HNRNPA3: variants seen among roughly 807,000 people sequenced by gnomAD.
HNRNPA3 encodes heterogeneous nuclear ribonucleoprotein A3.
A neutral mutation model predicts 45.8 loss-of-function variants in HNRNPA3; 3 were observed. The observed-to-expected ratio is 0.07, with a 90% CI of 0.03 to 0.17. HNRNPA3 has a LOEUF of 0.17. HNRNPA3 is among the 10% of genes least tolerant of loss of function. The pLI, the probability that HNRNPA3 is intolerant of heterozygous loss-of-function variation, is 1.00. For synonymous variants in HNRNPA3, 170 were observed against 155.6 expected (o/e 1.09, Z -0.69); for missense variants, 183 against 480.3 (o/e 0.38, Z 5.79).
chr2:177,219,661 CT>C (rs1689102721), exon 11 of HNRNPA3: 1 of 179,356 alleles, frequency 5.6e-6, no homozygotes, highest in Non-Finnish European at 1.2e-5. Flanking sequence ...TTCCTGAGGT[CT>C]TTTATCTGTT....
In HNRNPA3 at chr2:177,215,914, T is replaced by C; in HGVS notation, c.342+18T>C. 5 of 1,595,322 alleles carry C rather than the reference T, an allele frequency of 3.1e-6. No individual in the cohort carries two copies. Among genetic ancestry groups the C allele is most frequent in the Non-Finnish European group, 4.3e-6 (5 of 1,174,170 alleles). ...CTAGAGAGGTATTTTAATAATACAT[T>C]GTGTAATATGTGAAATTGTTGTGAA... On this transcript the variant is annotated intron_variant, in intron 3 of 10. Transcript: ENST00000392524.
exon 2 of HNRNPA3, chr2:177,215,540 G>C: frequency 6.2e-7 from 1 of 1,613,752 alleles, no homozygotes; most frequent in African/African-American, 1.3e-5. Context: ...TTCTCTCAGG[G>C]CCATGATCCA....
chr2:177,213,050 G>GCCTTCA (rs1425188221), intron 1 of HNRNPA3, among the ~76,000 whole-genome samples, 179 bp downstream of exon 1: 1 of 152,184 alleles, frequency 6.6e-6, no homozygotes, highest in Non-Finnish European at 1.5e-5. Flanking sequence ...CGCCCGCCTC[G>GCCTTCA]CCTTCACCTT....
chr2:177,223,549 TG>T (rs773197736), downstream of HNRNPA3: 16 of 152,228 alleles, frequency 1.1e-4, no homozygotes, highest in Non-Finnish European at 1.6e-4. Context: ...AAAGTATATT[TG>T]TTAAGTAACT....
chr2:177,216,557 C>T, exon 5 of HNRNPA3: 1 of 1,614,038 alleles, frequency 6.2e-7, no homozygotes, highest in Non-Finnish European at 8.5e-7. Flanking sequence ...AAGGCCCTTT[C>T]TAAACAAGAG....
intron 8 of HNRNPA3, 23 bp from the exon 9 acceptor site, chr2:177,219,014 A>G (rs1689079143): frequency 1.2e-6 from 2 of 1,609,674 alleles, no homozygotes; most frequent in African/African-American, 1.3e-5. Flanking sequence ...GGTAAACCAC[A>G]CATAAAACCT....
exon 3 of HNRNPA3, chr2:177,215,852 G>A (rs761384192): frequency 6.2e-7 from 1 of 1,605,588 alleles, no homozygotes; most frequent in Admixed American, 1.7e-5. Flanking sequence ...ACCACACAAG[G>A]TTGATGGGCG....
intron 1 of HNRNPA3, among the ~76,000 whole-genome samples, chr2:177,213,375 C>T (rs1424569118): frequency 1.3e-5 from 2 of 152,242 alleles, no homozygotes; most frequent in Non-Finnish European, 2.9e-5. Context: ...AGGGCGGAGG[C>T]GGCCCGGCAG....
chr2:177,218,838 C>T (rs188277152), intron 8 of HNRNPA3, among the ~76,000 whole-genome samples, 199 bp from the exon 9 acceptor site: 7 of 152,312 alleles, frequency 4.6e-5, no homozygotes, highest in East Asian at 1.9e-4. Flanking sequence ...AGAGAACATG[C>T]GCCTAGAGGA....
At chr2:177,215,123 C>T (rs1314099273) in intron 1 of HNRNPA3, among the ~76,000 whole-genome samples, 2 of 151,994 alleles carry the variant, frequency 1.3e-5, no homozygotes, top group East Asian at 3.9e-4. Context: ...TTTTTTGAGA[C>T]GGAGTTTTCG....
At chr2:177,214,378 G>GT (rs998676630) in intron 1 of HNRNPA3, among the ~76,000 whole-genome samples, 1 of 151,608 alleles carries the variant, frequency 6.6e-6, no homozygotes, top group African/African-American at 2.4e-5. Context: ...TTTTTCCTCA[G>GT]TTTTTTTGGG....
At chr2:177,217,664 C>T (rs1341853309) in intron 7 of HNRNPA3, 41 bp from the exon 8 acceptor site, 5 of 1,610,924 alleles carry the variant, frequency 3.1e-6, no homozygotes, top group Non-Finnish European at 3.4e-6. Flanking sequence ...TGACTATACA[C>T]TTAAGTTTTT....
At chr2:177,223,297 C>A (rs567927153), downstream of HNRNPA3, 2 of 150,954 alleles carry the variant, frequency 1.3e-5, no homozygotes, top group East Asian at 1.9e-4. Context: ...GGGCATTGTT[C>A]TTTCTAGTTT....
At chr2:177,223,682 G>A (rs895840947), downstream of HNRNPA3, 1 of 152,174 alleles carries the variant, frequency 6.6e-6, no homozygotes, top group Non-Finnish European at 1.5e-5. Context: ...GTGTGCAAGG[G>A]TAATGTAAGG....
downstream of HNRNPA3, chr2:177,223,002 T>G (rs1351487315): frequency 6.6e-6 from 1 of 152,552 alleles, no homozygotes; most frequent in Non-Finnish European, 1.5e-5. Context: ...TGGTTGTTGA[T>G]GGGTAATAAG....
rs58476089 is a variant in HNRNPA3 at position 177,218,052 on chromosome 2, C to CTTTTTTTTTTTTT, written c.961+222_961+234dup. ...ACAAATGTACTCAGCTCTCTTTTTT[C>CTTTTTTTTTTTTT]TTTTTTTTTTTTTTTTTTTTTTTTT... On this transcript the variant is annotated intron_variant, in intron 8 of 10. Transcript: ENST00000392524. Among the ~76,000 whole-genome samples, 77 of 102,174 alleles carry CTTTTTTTTTTTTT rather than the reference C, an allele frequency of 7.5e-4. 3 individuals carry two copies. Among genetic ancestry groups the CTTTTTTTTTTTTT allele is most frequent in the Middle Eastern group, 6.0e-3 (1 of 168 alleles). The allele number at this position is 102,174 out of a possible 152,430, so 67.0% of individuals were successfully genotyped here.
chr2:177,218,523 C>A (rs1038709133), intron 8 of HNRNPA3, among the ~76,000 whole-genome samples: 1 of 152,152 alleles, frequency 6.6e-6, no homozygotes, highest in Non-Finnish European at 1.5e-5. Context: ...TTTGAATACT[C>A]CAGACGTGTT....
chr2:177,217,989 C>A, intron 8 of HNRNPA3, 144 bp downstream of exon 8: 2 of 667,846 alleles, frequency 3.0e-6, no homozygotes, highest in Non-Finnish European at 2.3e-6. Flanking sequence ...TAGTTCAAAC[C>A]AAATTTTCTT....
intron 8 of HNRNPA3, among the ~76,000 whole-genome samples, 175 bp downstream of exon 8, chr2:177,218,020 AAAATGTAC>A (rs1326224397): frequency 6.6e-6 from 1 of 150,826 alleles, no homozygotes; most frequent in African/African-American, 2.4e-5. Flanking sequence ...GTTATTTAGT[AAAATGTAC>A]AAATGTACTC....
Sources: allele counts gnomAD v4.1 joint callset (sites outside exome capture counted in the v4.1 genomes callset), GRCh38; gene constraint gnomAD v4.1.1; transcripts MANE v1.5; gene names NCBI Gene and HGNC (gene_info 2026-07-23, HGNC 2026-07-21).